Variants in SH3TC2 observed in about 807,000 individuals in gnomAD.
SH3TC2 encodes the protein SH3 domain and tetratricopeptide repeat-containing protein 2.
A neutral mutation model predicts 124.5 loss-of-function variants in SH3TC2; 87 were observed. The observed-to-expected ratio is 0.70, with a 90% CI of 0.59 to 0.84. The LOEUF (loss-of-function observed/expected upper bound fraction) is 0.84, where lower values mean the gene tolerates loss of function less well. Ranked by LOEUF, SH3TC2 falls within the 40% of genes least tolerant of loss-of-function variation. The pLI is 0.00. For synonymous variants in SH3TC2, 634 were observed against 628.5 expected, an observed-to-expected ratio of 1.01 and a Z score of -0.13; for missense variants, 1,536 against 1,566.4, an observed-to-expected ratio of 0.98 and a Z score of 0.33.
chr5:149,047,749 G>A, intron 3 of SH3TC2, 113 bp downstream of exon 3: 1 of 1,321,804 alleles, frequency 7.6e-7, no homozygotes, highest in Non-Finnish European at 1.1e-6. Context: ...CTACCTATTA[G>A]ATGTTTTTTC....
intron 13 of SH3TC2, among the ~76,000 whole-genome samples, chr5:149,011,630 C>A (rs191171810): frequency 6.6e-6 from 1 of 152,130 alleles, no homozygotes; most frequent in African/African-American, 2.4e-5. Context: ...GGTTAAACTA[C>A]GTCATGCAAG....
intron 4 of SH3TC2, chr5:149,044,307 C>G: frequency 2.0e-6 from 1 of 488,096 alleles, no homozygotes; most frequent in Non-Finnish European, 3.7e-6. Context: ...AAAGATCTCC[C>G]TGGACACAAA....
chr5:149,007,217 G>A (rs1753706290), intron 15 of SH3TC2, 140 bp from the exon 16 acceptor site: 1 of 757,598 alleles, frequency 1.3e-6, no homozygotes, highest in Non-Finnish European at 2.3e-6. Flanking sequence ...GACAGAAGAG[G>A]TGCCTGTACT....
In SH3TC2 at chr5:149,010,279, C is replaced by T. The variant is rs1412557262; in HGVS notation, c.3318G>A (p.Glu1106=). The T allele has an allele frequency of 1.9e-6, 3 of 1,614,232 alleles. No homozygotes were observed. The highest frequency in any genetic ancestry group is 2.5e-6 in the Non-Finnish European group (3 of 1,180,058). Reference sequence around the variant, plus strand: ...CACAGCTTGGACTTACTCGGTAGTACTCCACTGCATGATGCCTGTGGCGGG... The same window carrying T: ...CACAGCTTGGACTTACTCGGTAGTATTCCACTGCATGATGCCTGTGGCGGG... ...NGTRHRHHAV[E]YYRAGAVPLA... is the part of the protein sequence containing the mutation. Residue 1106 remains glutamate (E), a synonymous_variant, in exon 14 of 17, where the codon GAG becomes GAA. Coordinates refer to ENST00000515425, the MANE Select transcript of SH3TC2 (RefSeq NM_024577.4).
chr5:149,062,959 T>TG lies in SH3TC2; in HGVS notation c.52+11dup, dbSNP rs2127406089. On this transcript the variant is annotated intron_variant, in intron 1 of 16. Transcript: ENST00000515425. ...GCCAAGCCACAGGCCAAGGGCCCCC[T>TG]GGGAAACTCACCTGGGCCCCGGGTC... 1.3e-6 allele frequency: 2 copies of TG among 1,583,006 alleles called. No homozygotes were observed. The highest frequency in any genetic ancestry group is 8.6e-7 in the Non-Finnish European group (1 of 1,163,430).
Position 148,989,372 on chromosome 5 carries a change from C to T in SH3TC2, c.*15339G>A, listed in dbSNP as rs886060113. 6.6e-6 allele frequency among the ~76,000 whole-genome samples: 1 copy of T among 152,228 alleles called. No homozygotes were observed. The highest frequency in any genetic ancestry group is 1.9e-4 in the East Asian group (1 of 5,200). ...AAGATAAAGTGATTTGTTAATGCTACACAGATACTAAGCACTTTGAGACAA... is the reference window on the plus strand; with the variant it reads ...AAGATAAAGTGATTTGTTAATGCTATACAGATACTAAGCACTTTGAGACAA... On this transcript the variant is annotated 3_prime_UTR_variant, in exon 17 of 17. Coordinates refer to ENST00000515425, the MANE Select transcript of SH3TC2 (RefSeq NM_024577.4).
Position 149,028,307 on chromosome 5 carries a change from A to T in SH3TC2, c.1425T>A (p.Asp475Glu). 1 of 1,614,048 alleles carries T rather than the reference A, an allele frequency of 6.2e-7. No individual in the cohort carries two copies. Among genetic ancestry groups the T allele is most frequent in the Non-Finnish European group, 8.5e-7 (1 of 1,180,054 alleles). The change falls in exon 11 of 17, where the codon GAT becomes GAA. Residue 475 changes from aspartate to glutamate, a missense_variant. Around this residue, in one of 3 missense-constraint regions of SH3TC2, gnomAD observed 1,102 missense variants for 1,098.6 expected, o/e 1.00. Coordinates refer to ENST00000515425, the MANE Select transcript of SH3TC2 (RefSeq NM_024577.4). ...TAAAGTGGTCAGCATAACCCTCATGATCCAGAAAAGCCAATATGGGGGCGA... is the reference window on the plus strand; with the variant it reads ...TAAAGTGGTCAGCATAACCCTCATGTTCCAGAAAAGCCAATATGGGGGCGA... ...ENFAPILAFL[D>E]HEGYADHFKS...
At chr5:149,030,097 A>G (rs1045173953) in intron 9 of SH3TC2, among the ~76,000 whole-genome samples, 10 of 152,212 alleles carry the variant, frequency 6.6e-5, no homozygotes, top group Middle Eastern at 3.4e-3. Flanking sequence ...GGCTAAGGAG[A>G]GCTGTTCAAA....
intron 6 of SH3TC2, among the ~76,000 whole-genome samples, chr5:149,040,966 A>G (rs546483062): frequency 6.6e-6 from 1 of 152,206 alleles, no homozygotes; most frequent in Non-Finnish European, 1.5e-5. Flanking sequence ...ACACAGGTCC[A>G]TGGTGTGGGG....
At chr5:149,010,199 C>T in intron 14 of SH3TC2, 71 bp downstream of exon 14, 5 of 1,607,162 alleles carry the variant, frequency 3.1e-6, no homozygotes, top group Non-Finnish European at 3.4e-6. Context: ...GGACTCAGGC[C>T]GAAGTCCAGC....
intron 12 of SH3TC2, among the ~76,000 whole-genome samples, chr5:149,016,421 ACAAAGT>A (rs112019987): frequency 0.044 from 6,657 of 152,212 alleles, 498 homozygotes; most frequent in African/African-American, 0.15. Flanking sequence ...TAAACCTTGA[ACAAAGT>A]TTTCTCATGT....
chr5:149,020,113 AAC>A (rs56088659), intron 12 of SH3TC2, among the ~76,000 whole-genome samples: 46,269 of 146,796 alleles, frequency 0.32, 7,944 homozygotes, highest in East Asian at 0.6. Context: ...GAAAAGGTCA[AAC>A]ACACACACAC....
At chr5:149,017,415 G>C (rs373142627) in intron 12 of SH3TC2, among the ~76,000 whole-genome samples, 1 of 152,132 alleles carries the variant, frequency 6.6e-6, no homozygotes, top group Non-Finnish European at 1.5e-5. Flanking sequence ...CTGGAAGGCA[G>C]AGAAGGCATG....
Position 149,012,566 on chromosome 5 carries a change from G to A in SH3TC2, c.3204+18C>T. Reference sequence around the variant, plus strand: ...GATCCAAGTCAACAACTCCCAGAGAGCTCTGCAGGAGGCCTACCTGCAGGC... The same window carrying A: ...GATCCAAGTCAACAACTCCCAGAGAACTCTGCAGGAGGCCTACCTGCAGGC... On this transcript the variant is annotated intron_variant, in intron 13 of 16. Coordinates refer to ENST00000515425, the MANE Select transcript of SH3TC2 (RefSeq NM_024577.4). 6.2e-7 allele frequency: 1 copy of A among 1,614,104 alleles called. No individual in the cohort carries two copies.
At chr5:149,031,314 C>T (rs1357432092) in intron 9 of SH3TC2, among the ~76,000 whole-genome samples, 3 of 152,236 alleles carry the variant, frequency 2.0e-5, no homozygotes, top group Non-Finnish European at 2.9e-5. Flanking sequence ...CAGTCACCCA[C>T]GGTATAGGTG....
At chr5:149,046,129 C>T (rs1754460381) in intron 3 of SH3TC2, 1 of 175,122 alleles carries the variant, frequency 5.7e-6, no homozygotes, top group Non-Finnish European at 1.3e-5. Flanking sequence ...ATGAGGGAAA[C>T]TTAGAGGAAG....
chr5:148,988,812 G>T lies in SH3TC2; in HGVS notation c.*15899C>A, dbSNP rs1753377054. Among the ~76,000 whole-genome samples, 2 of 152,204 alleles carry T rather than the reference G, an allele frequency of 1.3e-5. No individual in the cohort carries two copies. The highest frequency in any genetic ancestry group is 4.8e-5 in the African/African-American group (2 of 41,464). On this transcript the variant is annotated 3_prime_UTR_variant, in exon 17 of 17. Coordinates refer to ENST00000515425, the MANE Select transcript of SH3TC2 (RefSeq NM_024577.4). ...CTGTTTTAAATCAGAAACTTTTGGG[G>T]TGGTTTGTTATGTCACTTGTTCCAC...
rs1449383758 is a variant in SH3TC2 at position 148,997,723 on chromosome 5, C to G, written c.*6988G>C. On this transcript the variant is annotated 3_prime_UTR_variant, in exon 17 of 17. Coordinates refer to ENST00000515425, the MANE Select transcript of SH3TC2 (RefSeq NM_024577.4). Reference sequence around the variant, plus strand: ...TGGTTTCATTTCCTAGCTCCAGCATCAGAGGACATGACTTCAAATTTCACC... The same window carrying G: ...TGGTTTCATTTCCTAGCTCCAGCATGAGAGGACATGACTTCAAATTTCACC... Among the ~76,000 whole-genome samples the G allele has an allele frequency of 6.6e-6, 1 of 152,176 alleles. No individual in the cohort carries two copies. Among genetic ancestry groups the G allele is most frequent in the African/African-American group, 2.4e-5 (1 of 41,430 alleles).
At chr5:149,062,703 GC>G (rs1754774258) in intron 1 of SH3TC2, among the ~76,000 whole-genome samples, 1 of 152,200 alleles carries the variant, frequency 6.6e-6, no homozygotes, top group South Asian at 2.1e-4. Context: ...CCTGGGAGTG[GC>G]AGCCAGGAGC....
Sources: allele counts gnomAD v4.1 joint callset (sites outside exome capture counted in the v4.1 genomes callset), GRCh38; gene constraint gnomAD v4.1.1; regional missense constraint gnomAD v4.1.1; transcripts MANE v1.5; gene names NCBI Gene and HGNC (gene_info 2026-07-23, HGNC 2026-07-21).